Variants in ISM1 observed in about 807,000 individuals in gnomAD.
The protein encoded by ISM1 is isthmin-1.
In ISM1, 25 loss-of-function variants were observed where a neutral mutation model predicts 46.3. The observed-to-expected ratio is 0.54, with a 90% CI of 0.39 to 0.75. The LOEUF (loss-of-function observed/expected upper bound fraction) is 0.75. Among genes scored for constraint, ISM1 ranks in the 30% least tolerant of loss-of-function variants. The pLI is 0.00. For synonymous variants in ISM1, 255 were observed against 256.7 expected (o/e 0.99, Z 0.06); for missense variants, 536 against 625.4 (o/e 0.86, Z 1.52).
chr20:13,274,670 GC>G (rs58141362), intron 2 of ISM1, among the ~76,000 whole-genome samples: 7 of 23,430 alleles, frequency 3.0e-4, no homozygotes, highest in South Asian at 1.8e-3. Flanking sequence ...TCCACTCCCC[GC>G]CCCCCCCGCG....
chr20:13,325,952 T>C, the ISM1 span, among the ~76,000 whole-genome samples: 1 of 152,230 alleles, frequency 6.6e-6, no homozygotes, highest in African/African-American at 2.4e-5. Context: ...AGTCCTATCT[T>C]ACCACCTCTT....
At chr20:13,249,966 T>C (rs1421372368) in intron 1 of ISM1, among the ~76,000 whole-genome samples, 4 of 152,224 alleles carry the variant, frequency 2.6e-5, no homozygotes, top group African/African-American at 9.6e-5. Context: ...TCCAAATTGA[T>C]GAAAATCCAG....
At chr20:13,260,151 G>A (rs1028643204) in intron 1 of ISM1, among the ~76,000 whole-genome samples, 7 of 152,198 alleles carry the variant, frequency 4.6e-5, no homozygotes, top group African/African-American at 1.7e-4. Context: ...GTACAGGCAG[G>A]TGGCAAAGGG....
At chr20:13,286,401 A>T (rs2040293282) in intron 3 of ISM1, among the ~76,000 whole-genome samples, 1 of 151,988 alleles carries the variant, frequency 6.6e-6, no homozygotes, top group African/African-American at 2.4e-5. Flanking sequence ...ACTGTGTGAT[A>T]CCCAATAAGA....
At chr20:13,260,368 T>C (rs978708627) in intron 1 of ISM1, among the ~76,000 whole-genome samples, 2 of 152,172 alleles carry the variant, frequency 1.3e-5, no homozygotes, top group African/African-American at 4.8e-5. Context: ...AAACTGGCAA[T>C]GAAGCTATTA....
the ISM1 span, among the ~76,000 whole-genome samples, chr20:13,317,439 G>T: frequency 1.3e-5 from 2 of 151,898 alleles, no homozygotes; most frequent in Admixed American, 6.6e-5. Flanking sequence ...TCAATAAATT[G>T]GTTCTAAAGT....
At chr20:13,254,622 C>T (rs781153186) in intron 1 of ISM1, among the ~76,000 whole-genome samples, 8 of 152,108 alleles carry the variant, frequency 5.3e-5, no homozygotes, top group Non-Finnish European at 1.2e-4. Flanking sequence ...AGCACAGTCT[C>T]TATATTCTCT....
chr20:13,255,140 A>G (rs1408935545), intron 1 of ISM1, among the ~76,000 whole-genome samples: 1 of 152,236 alleles, frequency 6.6e-6, no homozygotes, highest in East Asian at 1.9e-4. Context: ...AAAGGGTGGG[A>G]AAGAACACTG....
intron 2 of ISM1, among the ~76,000 whole-genome samples, chr20:13,275,713 AG>A: frequency 6.6e-6 from 1 of 152,376 alleles, no homozygotes; most frequent in Non-Finnish European, 1.5e-5. Flanking sequence ...TGAAGTGCTT[AG>A]CACAGGGCCC....
At chr20:13,285,682 A>G (rs1335117151) in intron 3 of ISM1, among the ~76,000 whole-genome samples, 1 of 152,248 alleles carries the variant, frequency 6.6e-6, no homozygotes, top group Non-Finnish European at 1.5e-5. Flanking sequence ...CCGAGAGGGG[A>G]GTAGCCAAGG....
At chr20:13,304,879 C>T (rs141721574), downstream of ISM1, among the ~76,000 whole-genome samples, 6 of 152,272 alleles carry the variant, frequency 3.9e-5, no homozygotes, top group Non-Finnish European at 2.9e-5. Context: ...ATCTCTCTTC[C>T]CCACTTCCCT....
At chr20:13,304,462 C>G (rs2040484371), downstream of ISM1, among the ~76,000 whole-genome samples, 3 of 152,186 alleles carry the variant, frequency 2.0e-5, no homozygotes, top group Admixed American at 2.0e-4. Flanking sequence ...TCCACCTGTC[C>G]AAACTACCCA....
At chr20:13,274,093 A>G (rs1426240485) in intron 2 of ISM1, among the ~76,000 whole-genome samples, 2 of 150,942 alleles carry the variant, frequency 1.3e-5, no homozygotes, top group East Asian at 2.0e-4. Context: ...GTGCATGTGC[A>G]TGCACACAAA....
chr20:13,254,515 C>T (rs1243817216), intron 1 of ISM1, among the ~76,000 whole-genome samples: 1 of 152,194 alleles, frequency 6.6e-6, no homozygotes, highest in Non-Finnish European at 1.5e-5. Context: ...ACCCCTGCTG[C>T]TCTCTGTTGC....
the ISM1 span, among the ~76,000 whole-genome samples, chr20:13,307,539 A>C: frequency 6.6e-6 from 1 of 152,216 alleles, no homozygotes; most frequent in South Asian, 2.1e-4. Flanking sequence ...AAATTTTACC[A>C]CAACACAAAA....
At chr20:13,305,983 C>T in the ISM1 span, among the ~76,000 whole-genome samples, 1 of 152,150 alleles carries the variant, frequency 6.6e-6, no homozygotes, top group Non-Finnish European at 1.5e-5. Flanking sequence ...GCTGCAATAG[C>T]AAAGCTGGGT....
intron 1 of ISM1, 136 bp downstream of exon 1, chr20:13,222,050 T>A: frequency 1.1e-6 from 1 of 880,164 alleles, no homozygotes; most frequent in Non-Finnish European, 1.5e-6. Context: ...GGCAGTAGTT[T>A]TGCCCGGGCC....
intron 2 of ISM1, among the ~76,000 whole-genome samples, chr20:13,276,232 G>C (rs768025753): frequency 4.6e-5 from 7 of 152,160 alleles, no homozygotes; most frequent in Non-Finnish European, 1.0e-4. Context: ...ACAAGGCTTA[G>C]AGGACCAACA....
At chr20:13,227,988 G>GTTT (rs2039547617) in intron 1 of ISM1, among the ~76,000 whole-genome samples, 1 of 126,770 alleles carries the variant, frequency 7.9e-6, no homozygotes. Context: ...TTTTTGAGAT[G>GTTT]GAGTCTAGCT....
Sources: allele counts gnomAD v4.1 joint callset (sites outside exome capture counted in the v4.1 genomes callset), GRCh38; gene constraint gnomAD v4.1.1; transcripts MANE v1.5; gene names NCBI Gene and HGNC (gene_info 2026-07-23, HGNC 2026-07-21).